CDYL2: variants seen among roughly 807,000 people sequenced by gnomAD.
CDYL2 encodes the protein chromodomain Y-like protein 2.
A neutral mutation model predicts 49.4 loss-of-function variants in CDYL2; 23 were observed. The observed-to-expected ratio is 0.47, with a 90% CI of 0.34 to 0.66. The LOEUF (loss-of-function observed/expected upper bound fraction) is 0.66, where lower values mean the gene tolerates loss of function less well. Ranked by LOEUF, CDYL2 falls within the 30% of genes least tolerant of loss-of-function variation. CDYL2 has a pLI of 0.01. For synonymous variants in CDYL2, 360 were observed against 268.8 expected, an observed-to-expected ratio of 1.34 and a Z score of -3.32; for missense variants, 678 against 656.4, an observed-to-expected ratio of 1.03 and a Z score of -0.36.
At chr16:80,626,053 G>T (rs181104799) in intron 3 of CDYL2, among the ~76,000 whole-genome samples, 1 of 151,862 alleles carries the variant, frequency 6.6e-6, no homozygotes, top group Non-Finnish European at 1.5e-5. Context: ...ACTTTGGAAG[G>T]CTGAGGCAGG....
At chr16:80,780,892 G>T (rs1907242413) in intron 1 of CDYL2, among the ~76,000 whole-genome samples, 1 of 152,166 alleles carries the variant, frequency 6.6e-6, no homozygotes, top group Admixed American at 6.5e-5. Flanking sequence ...AACTTATTCT[G>T]ACCTGTAGAT....
chr16:80,722,629 A>G (rs1321072278), intron 1 of CDYL2, among the ~76,000 whole-genome samples: 1 of 152,198 alleles, frequency 6.6e-6, no homozygotes, highest in Non-Finnish European at 1.5e-5. Flanking sequence ...CAAAAAGTCA[A>G]AGTTGCCCAA....
At chr16:80,635,203 C>T (rs1184383588) in intron 2 of CDYL2, among the ~76,000 whole-genome samples, 1 of 152,114 alleles carries the variant, frequency 6.6e-6, no homozygotes, top group Non-Finnish European at 1.5e-5. Flanking sequence ...AGAAGAAAAA[C>T]CATATGATCA....
At chr16:80,623,076 G>A (rs2142378627) in intron 3 of CDYL2, among the ~76,000 whole-genome samples, 1 of 152,306 alleles carries the variant, frequency 6.6e-6, no homozygotes, top group South Asian at 2.1e-4. Flanking sequence ...TGCGGAGATG[G>A]TACAAGCTCT....
chr16:80,673,686 G>A (rs1022410094), intron 2 of CDYL2, among the ~76,000 whole-genome samples: 1 of 152,200 alleles, frequency 6.6e-6, no homozygotes. Flanking sequence ...CTAAATGCCT[G>A]TGGTGGGATG....
chr16:80,654,536 C>T lies in CDYL2; in HGVS notation c.617-21300G>A, dbSNP rs535654136. Among the ~76,000 whole-genome samples the T allele has an allele frequency of 5.3e-5, 8 of 152,338 alleles. No individual in the cohort carries two copies. In the East Asian group the frequency reaches 7.7e-4, roughly 15 times the overall value. ...TCAGAGCCCAGCGCTGCATAACACC[C>T]GTGGCACCTAGAAGCCTACAGGAAT... On this transcript the variant is annotated intron_variant, in intron 2 of 6. Transcript: ENST00000570137.
intron 1 of CDYL2, among the ~76,000 whole-genome samples, chr16:80,779,267 G>T (rs1907187779): frequency 6.6e-6 from 1 of 151,990 alleles, no homozygotes; most frequent in Non-Finnish European, 1.5e-5. Context: ...TAATGTATGT[G>T]ACAGACAAGA....
intron 1 of CDYL2, among the ~76,000 whole-genome samples, chr16:80,686,601 T>C (rs2142479235): frequency 6.6e-6 from 1 of 152,338 alleles, no homozygotes; most frequent in African/African-American, 2.4e-5. Flanking sequence ...TGGGGTAATT[T>C]ATATGGATGT....
At chr16:80,750,511 T>TA (rs1906095301) in intron 1 of CDYL2, among the ~76,000 whole-genome samples, 1 of 151,180 alleles carries the variant, frequency 6.6e-6, no homozygotes, top group African/African-American at 2.4e-5. Flanking sequence ...CACAAAGAGA[T>TA]CTTAAAATAT....
chr16:80,691,780 GAGA>G (rs1178895268), intron 1 of CDYL2, among the ~76,000 whole-genome samples: 3 of 152,102 alleles, frequency 2.0e-5, no homozygotes, highest in African/African-American at 4.8e-5. Context: ...TTAAAAGAGA[GAGA>G]AGAAGAGATA....
At chr16:80,799,595 T>A (rs1907866098) in intron 1 of CDYL2, among the ~76,000 whole-genome samples, 1 of 152,160 alleles carries the variant, frequency 6.6e-6, no homozygotes, top group Non-Finnish European at 1.5e-5. Flanking sequence ...ACAAAGATCT[T>A]TAATAATCAC....
chr16:80,730,766 C>T (rs1905299943), intron 1 of CDYL2, among the ~76,000 whole-genome samples: 1 of 152,082 alleles, frequency 6.6e-6, no homozygotes, highest in African/African-American at 2.4e-5. Context: ...TGAGCTATTA[C>T]TTAGATATAA....
intron 1 of CDYL2, among the ~76,000 whole-genome samples, chr16:80,712,047 A>G (rs555333164): frequency 2.1e-5 from 3 of 144,464 alleles, no homozygotes; most frequent in East Asian, 2.0e-4. Flanking sequence ...ATATGTGTGT[A>G]TATAGATGTG....
chr16:80,714,291 A>G (rs6564785), intron 1 of CDYL2, among the ~76,000 whole-genome samples: 3,024 of 151,964 alleles, frequency 0.02, 27 homozygotes, highest in African/African-American at 0.03. Flanking sequence ...ACTACCTAAC[A>G]CCAATAAATC....
At chr16:80,639,118 T>G (rs1382067881) in intron 2 of CDYL2, among the ~76,000 whole-genome samples, 1 of 152,176 alleles carries the variant, frequency 6.6e-6, no homozygotes, top group South Asian at 2.1e-4. Flanking sequence ...CATTTTTCAT[T>G]AGGGAACTAA....
At chr16:80,760,137 C>T (rs1208619391) in intron 1 of CDYL2, among the ~76,000 whole-genome samples, 1 of 152,198 alleles carries the variant, frequency 6.6e-6, no homozygotes, top group Non-Finnish European at 1.5e-5. Context: ...AGGCTGCTTT[C>T]ATGCATGACG....
In CDYL2 at chr16:80,602,322, G is replaced by A. The variant is rs1254089944; in HGVS notation, c.*2066C>T. Reference sequence around the variant, plus strand: ...CATGGACAAAGGGGAGGGTGCACAGGACTTTAATTCCATCCTCCTCTGGCT... The same window carrying A: ...CATGGACAAAGGGGAGGGTGCACAGAACTTTAATTCCATCCTCCTCTGGCT... On this transcript the variant is annotated 3_prime_UTR_variant, in exon 7 of 7. Transcript: ENST00000570137. 1.3e-5 allele frequency: 2 copies of A among 152,162 alleles called. No individual in the cohort carries two copies. Among genetic ancestry groups the A allele is most frequent in the Non-Finnish European group, 2.9e-5 (2 of 68,052 alleles). 9.4% of individuals were successfully genotyped at this position (152,162 alleles called of 1,614,324 possible).
chr16:80,676,778 G>T (rs1426558235), intron 2 of CDYL2, among the ~76,000 whole-genome samples: 1 of 152,134 alleles, frequency 6.6e-6, no homozygotes, highest in Non-Finnish European at 1.5e-5. Context: ...CGTCACAGGA[G>T]TTGGGAGTAT....
At chr16:80,745,016 G>A (rs1418904938) in intron 1 of CDYL2, among the ~76,000 whole-genome samples, 1 of 152,188 alleles carries the variant, frequency 6.6e-6, no homozygotes, top group Non-Finnish European at 1.5e-5. Context: ...CCTACAGGGT[G>A]AGTGACAGAT....
Sources: allele counts gnomAD v4.1 joint callset (sites outside exome capture counted in the v4.1 genomes callset), GRCh38; gene constraint gnomAD v4.1.1; transcripts MANE v1.5; gene names NCBI Gene and HGNC (gene_info 2026-07-23, HGNC 2026-07-21).